The following EYS variants were observed in gnomAD, a reference collection of about 807,000 sequenced individuals.
EYS encodes protein eyes shut homolog.
A neutral mutation model predicts 282.1 loss-of-function variants in EYS; 250 were observed. The observed-to-expected ratio is 0.89, with a 90% CI of 0.80 to 0.98. The LOEUF is 0.98. EYS is among the 50% of genes least tolerant of loss of function. The pLI, the probability that EYS is intolerant of heterozygous loss-of-function variation, is 0.00. For synonymous variants in EYS, 1,355 were observed against 1,282.9 expected, an observed-to-expected ratio of 1.06 and a Z score of -1.20; for missense variants, 4,016 against 3,709.0, an observed-to-expected ratio of 1.08 and a Z score of -2.15.
At chr6:65,346,658 C>G (rs1770407016) in intron 9 of EYS, among the ~76,000 whole-genome samples, 1 of 151,402 alleles carries the variant, frequency 6.6e-6, no homozygotes, top group African/African-American at 2.4e-5. Context: ...CAGAAAAAAA[C>G]AGGAAAAAGG....
At chr6:64,104,747 C>CTT (rs11374423) in intron 31 of EYS, among the ~76,000 whole-genome samples, 35,986 of 133,290 alleles carry the variant, frequency 0.27, 4,728 homozygotes, top group East Asian at 0.42. Flanking sequence ...TTCTGGCAAG[C>CTT]TTTTTTTTTT....
Position 63,972,488 on chromosome 6 carries a change from G to A in EYS, c.7055+11895C>T, listed in dbSNP as rs141448650. Among the ~76,000 whole-genome samples the A allele has an allele frequency of 1.5e-3, 223 of 152,254 alleles. 1 individual carries two copies. Among genetic ancestry groups the A allele is most frequent in the African/African-American group, 4.9e-3 (204 of 41,536 alleles). The stretch of plus-strand genomic sequence containing the variant: ...TTTATATGTAGCCTAGTCCTTATGT[G>A]TAAGTCCCACTGCTAAAAATAGTTA... On this transcript the variant is annotated intron_variant, in intron 35 of 42. Coordinates refer to ENST00000503581, the MANE Select transcript of EYS (RefSeq NM_001142800.2).
chr6:64,762,597 A>C (rs2149979602), intron 22 of EYS, among the ~76,000 whole-genome samples: 1 of 152,290 alleles, frequency 6.6e-6, no homozygotes, highest in East Asian at 1.9e-4. Context: ...TTCTCCACAC[A>C]GAGAAGAGCG....
intron 22 of EYS, among the ~76,000 whole-genome samples, chr6:64,811,065 C>T (rs1764576213): frequency 6.6e-6 from 1 of 151,830 alleles, no homozygotes; most frequent in Admixed American, 6.6e-5. Context: ...ACCCTTAACC[C>T]ATGAACAAAT....
chr6:64,986,942 G>T (rs1439280570), intron 14 of EYS, among the ~76,000 whole-genome samples: 1 of 151,362 alleles, frequency 6.6e-6, no homozygotes, highest in Non-Finnish European at 1.5e-5. Flanking sequence ...CAAACCTTAA[G>T]AAGAGAGTAC....
chr6:65,062,712 T>G (rs1485577901), intron 12 of EYS, among the ~76,000 whole-genome samples: 1 of 151,976 alleles, frequency 6.6e-6, no homozygotes, highest in African/African-American at 2.4e-5. Flanking sequence ...GGTCTTGCTC[T>G]AACAACTTCT....
chr6:65,160,560 T>G (rs1372374314), intron 12 of EYS, among the ~76,000 whole-genome samples: 1 of 150,856 alleles, frequency 6.6e-6, no homozygotes, highest in Non-Finnish European at 1.5e-5. Flanking sequence ...CCCATTGAAT[T>G]TTATGGCCCT....
intron 22 of EYS, among the ~76,000 whole-genome samples, chr6:64,714,699 G>A (rs904211341): frequency 6.6e-5 from 10 of 151,630 alleles, no homozygotes; most frequent in African/African-American, 2.4e-4. Flanking sequence ...CTAATTTTTT[G>A]TATTTTTTAG....
intron 22 of EYS, among the ~76,000 whole-genome samples, chr6:64,791,873 T>C (rs1774203376): frequency 6.6e-6 from 1 of 151,910 alleles, no homozygotes; most frequent in Non-Finnish European, 1.5e-5. Context: ...ATTTATAGTT[T>C]TTATAGAACC....
chr6:64,667,925 T>G (rs1448788670), intron 22 of EYS, among the ~76,000 whole-genome samples: 1 of 152,146 alleles, frequency 6.6e-6, no homozygotes, highest in East Asian at 1.9e-4. Context: ...GTCTCAAACT[T>G]TAGCATGCAT....
chr6:64,637,351 A>G (rs1394145489), intron 22 of EYS, among the ~76,000 whole-genome samples: 1 of 86,336 alleles, frequency 1.2e-5, no homozygotes, highest in East Asian at 2.6e-4. Flanking sequence ...GGACAAAAAA[A>G]CAAACACCAC....
intron 11 of EYS, chr6:65,329,536 A>G (rs534369401): frequency 2.0e-6 from 2 of 982,994 alleles, no homozygotes; most frequent in Non-Finnish European, 1.2e-6. Context: ...CCAAAAATAC[A>G]TTCAATATGA....
In EYS at chr6:64,638,607, G is replaced by C. The variant is rs1178351644; in HGVS notation, c.3444-12362C>G. Among the ~76,000 whole-genome samples the C allele has an allele frequency of 5.5e-5, 5 of 90,754 alleles. 1 individual carries two copies. The highest frequency in any genetic ancestry group is 2.5e-4 in the East Asian group (1 of 4,066). 59.5% of individuals were successfully genotyped at this position (90,754 alleles called of 152,430 possible). A position where few individuals can be genotyped will look rare whatever the true frequency, so the allele number is the denominator to read the frequency against. On this transcript the variant is annotated intron_variant, in intron 22 of 42. Transcript: ENST00000503581. Reference sequence around the variant, plus strand: ...AGAATGAGCAAGACATCTTGCCTGTGTTCTTTTTAGACTATCTTCACCCTG... The same window carrying C: ...AGAATGAGCAAGACATCTTGCCTGTCTTCTTTTTAGACTATCTTCACCCTG...
intron 30 of EYS, among the ~76,000 whole-genome samples, chr6:64,254,583 T>C (rs1291527619): frequency 6.6e-6 from 1 of 152,070 alleles, no homozygotes; most frequent in Non-Finnish European, 1.5e-5. Flanking sequence ...GATGGCTGCA[T>C]TCCTTGATAG....
At chr6:63,901,089 T>A (rs1048609872) in intron 35 of EYS, among the ~76,000 whole-genome samples, 1 of 152,102 alleles carries the variant, frequency 6.6e-6, no homozygotes, top group Non-Finnish European at 1.5e-5. Flanking sequence ...ATACAAACAG[T>A]CAAAAGCAGC....
intron 2 of EYS, among the ~76,000 whole-genome samples, chr6:65,621,264 C>G (rs569020696): frequency 6.6e-6 from 1 of 152,136 alleles, no homozygotes; most frequent in South Asian, 2.1e-4. Flanking sequence ...ATATTTAGGA[C>G]AGTTAGCTCT....
intron 2 of EYS, among the ~76,000 whole-genome samples, chr6:65,638,672 C>A (rs562133229): frequency 2.6e-5 from 4 of 152,236 alleles, no homozygotes; most frequent in African/African-American, 9.6e-5. Flanking sequence ...CTGCCCACCG[C>A]GCTGCAGCAG....
At chr6:65,069,551 C>A (rs112652158) in intron 12 of EYS, among the ~76,000 whole-genome samples, 1,775 of 152,008 alleles carry the variant, frequency 0.012, 33 homozygotes, top group African/African-American at 0.039. Context: ...CTCCTCTCAG[C>A]TACACTTCTC....
intron 11 of EYS, among the ~76,000 whole-genome samples, chr6:65,299,057 T>C (rs1166761342): frequency 1.3e-5 from 2 of 152,024 alleles, no homozygotes; most frequent in Non-Finnish European, 2.9e-5. Flanking sequence ...GGAAATCAAG[T>C]GTTTAATTTT....
Sources: allele counts gnomAD v4.1 joint callset (sites outside exome capture counted in the v4.1 genomes callset), GRCh38; gene constraint gnomAD v4.1.1; transcripts MANE v1.5; gene names NCBI Gene and HGNC (gene_info 2026-07-23, HGNC 2026-07-21).